The following PAK5 variants were observed in gnomAD, a reference collection of about 807,000 sequenced individuals.
The protein encoded by PAK5 is p21 (RAC1) activated kinase 5.
PAK5 carries 16 observed loss-of-function variants against 65.9 expected under a neutral mutation model. That is an observed-to-expected ratio of 0.24 (90% CI 0.16 to 0.37). The LOEUF (loss-of-function observed/expected upper bound fraction) is 0.37, where lower values mean the gene tolerates loss of function less well. Ranked by LOEUF, PAK5 falls within the 10% of genes least tolerant of loss-of-function variation. The pLI is 1.00. For synonymous variants in PAK5, 371 were observed against 354.9 expected, an observed-to-expected ratio of 1.05 and a Z score of -0.51; for missense variants, 785 against 903.9, an observed-to-expected ratio of 0.87 and a Z score of 1.69.
Position 9,537,594 on chromosome 20 carries a change from A to T in PAK5, c.*1868T>A, listed in dbSNP as rs2045191328. 2 of 211,528 alleles carry T rather than the reference A, an allele frequency of 9.5e-6. 1 individual carries two copies. Among genetic ancestry groups the T allele is most frequent in the South Asian group, 3.8e-4 (2 of 5,308 alleles). The allele number at this position is 211,528 out of a possible 1,614,324, so 13.1% of individuals were successfully genotyped here. The stretch of plus-strand genomic sequence containing the variant: ...TCCACTATTTTCTGCAATAGTTTTT[A>T]ATGTTTATTCTGGTTTAAAAAAGAT... On this transcript the variant is annotated 3_prime_UTR_variant, in exon 10 of 10. Transcript: ENST00000353224.
rs369457089 is a variant in PAK5, at chr20:9,755,795, T to C, written c.-161-44360A>G. On this transcript the variant is annotated intron_variant, in intron 1 of 9. Transcript: ENST00000353224. Reference sequence around the variant, plus strand: ...ATGCACCAAAAAGTGAGAAATCCTCTTTTAAAACCAATAACCACTATCCAT... The same window carrying C: ...ATGCACCAAAAAGTGAGAAATCCTCCTTTAAAACCAATAACCACTATCCAT... Among the ~76,000 whole-genome samples, 28 of 152,346 alleles carry C rather than the reference T, an allele frequency of 1.8e-4. No individual in the cohort carries two copies. In the East Asian group the frequency reaches 5.0e-3, roughly 27 times the overall value.
chr20:9,798,247 TG>T (rs2049128057), intron 1 of PAK5, among the ~76,000 whole-genome samples: 1 of 125,768 alleles, frequency 8.0e-6, no homozygotes, highest in African/African-American at 2.7e-5. Context: ...GTATGAGTTA[TG>T]GGGTAAAAAA....
intron 1 of PAK5, among the ~76,000 whole-genome samples, chr20:9,764,535 G>T (rs2048734796): frequency 6.6e-6 from 1 of 152,122 alleles, no homozygotes; most frequent in Non-Finnish European, 1.5e-5. Flanking sequence ...CTTTAGCCCA[G>T]TGGTTTTAGC....
At position 9,736,523 on chromosome 20, in the gene PAK5, A is replaced by G. The variant is rs554315235; in HGVS notation, c.-161-25088T>C. On this transcript the variant is annotated intron_variant, in intron 1 of 9. Coordinates refer to ENST00000353224, the MANE Select transcript of PAK5 (RefSeq NM_177990.4). ...TCATGAACTAAGTGACCTCAAGCCC[A>G]GTCATAAGAGGAAGCTCAGAGGCAT... is the stretch of plus-strand genomic sequence containing the variant. Among the ~76,000 whole-genome samples the G allele has an allele frequency of 2.0e-5, 3 of 152,328 alleles. No individual in the cohort carries two copies. In the South Asian group the frequency reaches 6.2e-4, roughly 32 times the overall value.
At chr20:9,817,156 A>C (rs1600406209) in intron 1 of PAK5, among the ~76,000 whole-genome samples, 1 of 152,170 alleles carries the variant, frequency 6.6e-6, no homozygotes. Context: ...ATTAAAAATA[A>C]AGAATTATGT....
Position 9,750,444 on chromosome 20 carries a change from C to G in PAK5, c.-161-39009G>C, listed in dbSNP as rs530625094. Among the ~76,000 whole-genome samples the G allele has an allele frequency of 5.9e-5, 9 of 152,130 alleles. No homozygotes were observed. In the South Asian group the frequency reaches 1.9e-3, roughly 32 times the overall value. On this transcript the variant is annotated intron_variant, in intron 1 of 9. Coordinates refer to ENST00000353224, the MANE Select transcript of PAK5 (RefSeq NM_177990.4). ...TTAAATCCTTCTAAATAAATCCTCTCAATATTTGGGTGGTACTGGGCAACA... is the reference window on the plus strand; with the variant it reads ...TTAAATCCTTCTAAATAAATCCTCTGAATATTTGGGTGGTACTGGGCAACA...
intron 3 of PAK5, among the ~76,000 whole-genome samples, chr20:9,611,483 A>G (rs1056012885): frequency 3.9e-5 from 6 of 152,044 alleles, no homozygotes; most frequent in African/African-American, 1.4e-4. Context: ...CCTTCCCACA[A>G]TTTGCCACCC....
At chr20:9,742,929 A>G (rs1262950487) in intron 1 of PAK5, among the ~76,000 whole-genome samples, 2 of 152,252 alleles carry the variant, frequency 1.3e-5, no homozygotes, top group African/African-American at 2.4e-5. Context: ...TAACAGGACG[A>G]TAACCCAGAA....
chr20:9,664,373 C>A (rs767256286), intron 2 of PAK5, among the ~76,000 whole-genome samples: 7 of 152,174 alleles, frequency 4.6e-5, no homozygotes, highest in Non-Finnish European at 1.0e-4. Context: ...ATGGTTCCCT[C>A]CAGTAAATCA....
At chr20:9,681,093 T>C (rs2047643646) in intron 2 of PAK5, among the ~76,000 whole-genome samples, 1 of 152,222 alleles carries the variant, frequency 6.6e-6, no homozygotes, top group Admixed American at 6.5e-5. Context: ...ATATTAAGAA[T>C]CGTTATATCT....
At chr20:9,819,274 C>A (rs2049392466) in intron 1 of PAK5, among the ~76,000 whole-genome samples, 1 of 152,176 alleles carries the variant, frequency 6.6e-6, no homozygotes, top group Admixed American at 6.5e-5. Context: ...CAACACAAAT[C>A]TATTTCTTAC....
intron 2 of PAK5, among the ~76,000 whole-genome samples, chr20:9,682,434 G>T (rs2047663198): frequency 6.6e-6 from 1 of 152,130 alleles, no homozygotes; most frequent in African/African-American, 2.4e-5. Context: ...AGAAAAGAAA[G>T]ATGTGAGGTG....
intron 7 of PAK5, among the ~76,000 whole-genome samples, chr20:9,554,128 A>G (rs1353128604): frequency 6.6e-6 from 1 of 152,236 alleles, no homozygotes. Flanking sequence ...TGTGTGGCAG[A>G]CAGTATTTTC....
chr20:9,755,305 C>CA (rs1262770767), intron 1 of PAK5, among the ~76,000 whole-genome samples: 2 of 152,144 alleles, frequency 1.3e-5, no homozygotes, highest in African/African-American at 4.8e-5. Flanking sequence ...TCTTGAACCT[C>CA]AAAAGTCAAA....
chr20:9,557,438 C>T (rs989113729), intron 7 of PAK5, among the ~76,000 whole-genome samples, 170 bp downstream of exon 7: 1 of 152,172 alleles, frequency 6.6e-6, no homozygotes, highest in Non-Finnish European at 1.5e-5. Flanking sequence ...AACAAGGTGA[C>T]ACAGAGGAAG....
Position 9,544,447 on chromosome 20 carries a change from C to T in PAK5, c.1791G>A (p.Val597=), listed in dbSNP as rs757475124. ...FGFCAQVSKE[V]PKRKSLVGTP... is the part of the protein sequence containing the mutation. ...TGCCAACCAATGATTTCCTCTTCGG[C>T]ACCTCTTTGGAAACTTGAGCACAGA... Residue 597 remains valine (V), a synonymous_variant, in exon 8 of 10, where the codon GTG becomes GTA. Transcript: ENST00000353224. 1 of 1,613,932 alleles carries T rather than the reference C, an allele frequency of 6.2e-7. No homozygotes were observed. Among genetic ancestry groups the T allele is most frequent in the Non-Finnish European group, 8.5e-7 (1 of 1,179,774 alleles).
At chr20:9,773,387 C>T (rs927551211) in intron 1 of PAK5, among the ~76,000 whole-genome samples, 2 of 152,118 alleles carry the variant, frequency 1.3e-5, no homozygotes, top group Non-Finnish European at 2.9e-5. Context: ...ATCCCTCCCC[C>T]TTCCCCCGAC....
At chr20:9,626,876 T>A (rs1332222476) in intron 3 of PAK5, among the ~76,000 whole-genome samples, 1 of 152,164 alleles carries the variant, frequency 6.6e-6, no homozygotes, top group Non-Finnish European at 1.5e-5. Flanking sequence ...ATCAAAACTG[T>A]GTAAATACAG....
intron 1 of PAK5, among the ~76,000 whole-genome samples, chr20:9,713,491 A>C (rs1201114360): frequency 1.3e-5 from 2 of 152,110 alleles, no homozygotes; most frequent in Non-Finnish European, 2.9e-5. Context: ...ACTACCATAC[A>C]ATCCAGCAAT....
Sources: allele counts gnomAD v4.1 joint callset (sites outside exome capture counted in the v4.1 genomes callset), GRCh38; gene constraint gnomAD v4.1.1; transcripts MANE v1.5; gene names NCBI Gene and HGNC (gene_info 2026-07-23, HGNC 2026-07-21).